The following SFXN4 variants were observed in gnomAD, a reference collection of about 807,000 sequenced individuals.
SFXN4 encodes sideroflexin-4.
A neutral mutation model predicts 54.6 loss-of-function variants in SFXN4; 48 were observed. The observed-to-expected ratio is 0.88, with a 90% CI of 0.70 to 1.12. The LOEUF is 1.12. Ranked by LOEUF, SFXN4 falls within the 50% of genes most tolerant of loss-of-function variation. The probability of loss-of-function intolerance (pLI) is 0.00; values close to 1 mark genes in which losing one functional copy is unlikely to be tolerated. For synonymous variants in SFXN4, 130 were observed against 145.5 expected (o/e 0.89, Z 0.77); for missense variants, 383 against 409.2 (o/e 0.94, Z 0.55).
In SFXN4 at chr10:119,162,358, A is replaced by C. The variant is rs1369066326; in HGVS notation, c.234T>G (p.Pro78=). 6 of 1,614,158 alleles carry C rather than the reference A, an allele frequency of 3.7e-6. No individual in the cohort carries two copies. Among genetic ancestry groups the C allele is most frequent in the Admixed American group, 1.7e-5 (1 of 60,016 alleles). The change falls in exon 3 of 14, where the codon CCT becomes CCG. Residue 78 remains proline, a synonymous_variant. Transcript: ENST00000355697. ...LLCTNEDVSS[P]ASADQRIQEA... ...AACATACCCTTTGGTCCGCCGAGGC[A>C]GGGCTGGAAACATCTTCATTTGTGC...
In SFXN4 at chr10:119,165,619, T is replaced by A; in HGVS notation, c.29A>T (p.Gln10Leu). Reference protein sequence around the residue: MSLEQEEETQPGRLLGRRDA... With the variant: MSLEQEEETLPGRLLGRRDA... ...TCTGCGTCCTAGGAGCCGCCCAGGTTGCGTTTCCTCCTCCTGTTCCAGGGA... is the reference window on the plus strand; with the variant it reads ...TCTGCGTCCTAGGAGCCGCCCAGGTAGCGTTTCCTCCTCCTGTTCCAGGGA... Residue 10 changes from glutamine to leucine, a missense_variant, in exon 1 of 14, where the codon CAA becomes CTA. Physicochemically the swap from Gln to Leu is moderately radical, Grantham distance 113. Coordinates refer to ENST00000355697, the MANE Select transcript of SFXN4 (RefSeq NM_213649.2). The A allele has an allele frequency of 6.3e-7, 1 of 1,592,640 alleles. No homozygotes were observed. Among genetic ancestry groups the A allele is most frequent in the Non-Finnish European group, 8.5e-7 (1 of 1,171,478 alleles).
intron 10 of SFXN4, among the ~76,000 whole-genome samples, chr10:119,155,815 A>G (rs1333165668): frequency 6.6e-6 from 1 of 152,118 alleles, no homozygotes; most frequent in African/African-American, 2.4e-5. Flanking sequence ...TTTCTATAAC[A>G]CCATTTCCTC....
rs146027572 is a variant in SFXN4 at position 119,160,950 on chromosome 10, C to G, written c.299G>C (p.Ser100Thr). ...AAAAAGCTTGGGGATCAGGTTGCTG[C>G]TGTCGGGATGCACTGTTGCCTTCAA... ...KRSLATVHPDSSNLIPKLFRP... is the reference protein window; with the variant it reads ...KRSLATVHPDTSNLIPKLFRP... Residue 100 changes from serine (S) to threonine (T), a missense_variant, in exon 5 of 14, where the codon AGC becomes ACC. By Grantham distance (58) the Ser-to-Thr change is moderately conservative. Transcript: ENST00000355697. 1.2e-6 allele frequency: 2 copies of G among 1,614,032 alleles called. No homozygotes were observed. Among genetic ancestry groups the G allele is most frequent in the African/African-American group, 2.7e-5 (2 of 74,916 alleles).
chr10:119,146,491 C>T, intron 12 of SFXN4, 138 bp from the exon 13 acceptor site: 1 of 502,610 alleles, frequency 2.0e-6, no homozygotes, highest in Non-Finnish European at 3.5e-6. Context: ...ACACCTGGAT[C>T]AGGGCCTGTT....
chr10:119,149,020 A>G (rs976955630), intron 11 of SFXN4, among the ~76,000 whole-genome samples: 1 of 152,160 alleles, frequency 6.6e-6, no homozygotes, highest in East Asian at 1.9e-4. Flanking sequence ...CCGAGTAGCC[A>G]GGATCACAGG....
intron 3 of SFXN4, 29 bp from the exon 4 acceptor site, chr10:119,161,110 T>C: frequency 3.7e-6 from 6 of 1,612,874 alleles, no homozygotes; most frequent in Non-Finnish European, 5.1e-6. Flanking sequence ...ATAGCTTTGT[T>C]TCATTTTAAA....
rs1847669061 is a variant in SFXN4 at position 119,164,134 on chromosome 10, T to C, written c.174A>G (p.Ser58=). 1 of 1,570,312 alleles carries C rather than the reference T, an allele frequency of 6.4e-7. No homozygotes were observed. The highest frequency in any genetic ancestry group is 1.8e-5 in the Admixed American group (1 of 56,206). Residue 58 remains serine (S), a synonymous_variant, in exon 2 of 14, where the codon TCA becomes TCG. Transcript: ENST00000355697. ...ELLDPTNVFI[S]VESIENSRQL... is the part of the protein sequence containing the mutation. Reference sequence around the variant, plus strand: ...TAGCTCTGAAAACAATACTTACAACTGAAATGAACACATTTGTAGGATCTA... The same window carrying C: ...TAGCTCTGAAAACAATACTTACAACCGAAATGAACACATTTGTAGGATCTA...
chr10:119,155,043 G>A lies in SFXN4; in HGVS notation c.732+19C>T. The A allele has an allele frequency of 1.3e-6, 2 of 1,573,276 alleles. No individual in the cohort carries two copies. Among genetic ancestry groups the A allele is most frequent in the Non-Finnish European group, 1.7e-6 (2 of 1,142,994 alleles). On this transcript the variant is annotated intron_variant, in intron 11 of 13. Coordinates refer to ENST00000355697, the MANE Select transcript of SFXN4 (RefSeq NM_213649.2). Reference sequence around the variant, plus strand: ...GTTGCCCAAAAGGCAAGCAGCTATAGCTTCATCCTGTCTCTTACCTTTGTC... The same window carrying A: ...GTTGCCCAAAAGGCAAGCAGCTATAACTTCATCCTGTCTCTTACCTTTGTC...
intron 6 of SFXN4, among the ~76,000 whole-genome samples, chr10:119,159,505 T>C (rs985392068): frequency 2.6e-5 from 4 of 151,082 alleles, no homozygotes; most frequent in African/African-American, 9.7e-5. Flanking sequence ...CTGTGGGCCT[T>C]CCAGAGGCCC....
intron 5 of SFXN4, among the ~76,000 whole-genome samples, chr10:119,160,078 C>T (rs1847458010): frequency 6.6e-6 from 1 of 152,050 alleles, no homozygotes; most frequent in African/African-American, 2.4e-5. Context: ...ACTCAGGAGG[C>T]TGAGGTAGAA....
rs12252496 is a variant in SFXN4, at chr10:119,156,304, T to A, written c.616+374A>T. On this transcript the variant is annotated intron_variant, in intron 10 of 13. Coordinates refer to ENST00000355697, the MANE Select transcript of SFXN4 (RefSeq NM_213649.2). ...TTAGCTGGACATGGTGGCGCACACC[T>A]GTAATCCCAGCTACTTGGGAGACTG... 8.9e-3 allele frequency among the ~76,000 whole-genome samples: 1,352 copies of A among 152,252 alleles called. 21 individuals are homozygous for A. Among genetic ancestry groups the A allele is most frequent in the African/African-American group, 0.03 (1,233 of 41,542 alleles).
In SFXN4 at chr10:119,155,122, C is replaced by T. The variant is rs757616036; in HGVS notation, c.672G>A (p.Gly224=). The change falls in exon 11 of 14, where the codon GGG becomes GGA. Residue 224 remains glycine, a synonymous_variant. Transcript: ENST00000355697. ...TGCCTTCCTTGTCCATGACCGCAATCCCCTTAATGGATTCAAGACTTCGGG... is the reference window on the plus strand; with the variant it reads ...TGCCTTCCTTGTCCATGACCGCAATTCCCTTAATGGATTCAAGACTTCGGG... The part of the protein sequence containing the change: ...YMSRSLESIK[G]IAVMDKEGNV... 1.2e-6 allele frequency: 2 copies of T among 1,614,116 alleles called. No individual in the cohort carries two copies. Among genetic ancestry groups the T allele is most frequent in the East Asian group, 4.5e-5 (2 of 44,908 alleles).
chr10:119,154,524 T>C (rs1055814191), intron 11 of SFXN4, among the ~76,000 whole-genome samples: 2 of 152,076 alleles, frequency 1.3e-5, no homozygotes, highest in African/African-American at 4.8e-5. Flanking sequence ...TGCTTTTCTT[T>C]TGAGAGATTT....
chr10:119,154,545 T>C (rs1409264492), intron 11 of SFXN4, among the ~76,000 whole-genome samples: 1 of 151,938 alleles, frequency 6.6e-6, no homozygotes, highest in African/African-American at 2.4e-5. Context: ...CAAAAAGGAA[T>C]TGGGGGCCAG....
At chr10:119,161,661 A>G (rs1414379700) in intron 3 of SFXN4, among the ~76,000 whole-genome samples, 5 of 152,204 alleles carry the variant, frequency 3.3e-5, no homozygotes, top group African/African-American at 7.2e-5. Context: ...AGAACATTAA[A>G]AAGTCCTGTC....
chr10:119,150,203 C>T (rs1847005265), intron 11 of SFXN4, among the ~76,000 whole-genome samples: 1 of 151,880 alleles, frequency 6.6e-6, no homozygotes, highest in African/African-American at 2.4e-5. Context: ...ACATGCCCCT[C>T]ATGCCAAAAA....
At chr10:119,157,081 C>A (rs1342854799) in intron 9 of SFXN4, among the ~76,000 whole-genome samples, 2 of 152,122 alleles carry the variant, frequency 1.3e-5, no homozygotes, top group African/African-American at 2.4e-5. Context: ...CAAAGCAATA[C>A]ACAAATTATA....
At chr10:119,142,027 C>T (rs1045399242) in intron 13 of SFXN4, among the ~76,000 whole-genome samples, 9 of 151,800 alleles carry the variant, frequency 5.9e-5, no homozygotes, top group African/African-American at 2.2e-4. Flanking sequence ...TATAGTGGGA[C>T]CCTATCTCTA....
At chr10:119,161,022 G>A (rs1387476757) in intron 4 of SFXN4, 33 bp downstream of exon 4, 3 of 1,613,912 alleles carry the variant, frequency 1.9e-6, no homozygotes, top group Admixed American at 1.7e-5. Flanking sequence ...GTTATTATAG[G>A]ACACTAAAAA....
Sources: allele counts gnomAD v4.1 joint callset (sites outside exome capture counted in the v4.1 genomes callset), GRCh38; gene constraint gnomAD v4.1.1; transcripts MANE v1.5; gene names NCBI Gene and HGNC (gene_info 2026-07-23, HGNC 2026-07-21).